Variants in TTC28 observed in about 807,000 individuals in gnomAD.
TTC28 encodes the protein tetratricopeptide repeat protein 28.
Under a neutral mutation model 198.0 loss-of-function variants are expected in TTC28, and 61 were observed. That is an observed-to-expected ratio of 0.31 (90% CI 0.25 to 0.38). The LOEUF (loss-of-function observed/expected upper bound fraction) is 0.38. TTC28 is among the 10% of genes least tolerant of loss of function. TTC28 has a pLI of 1.00. For missense variants in TTC28, 2,678 were observed against 3,164.0 expected (o/e 0.85, Z 3.69); for synonymous variants, 1,171 against 1,297.8 (o/e 0.90, Z 2.10).
chr22:28,582,797 A>G (rs2050251316), intron 2 of TTC28, among the ~76,000 whole-genome samples: 1 of 152,230 alleles, frequency 6.6e-6, no homozygotes, highest in Non-Finnish European at 1.5e-5. Flanking sequence ...TCTTTGTTTT[A>G]AAGTTTTTAT....
chr22:28,673,440 C>G (rs1220394643), intron 1 of TTC28, among the ~76,000 whole-genome samples: 1 of 152,138 alleles, frequency 6.6e-6, no homozygotes, highest in Non-Finnish European at 1.5e-5. Context: ...CCCCCCCTTA[C>G]CTGGTACGTA....
At chr22:27,996,016 G>C in intron 17 of TTC28, 119 bp downstream of exon 17, 1 of 1,409,160 alleles carries the variant, frequency 7.1e-7, no homozygotes, top group Non-Finnish European at 9.4e-7. Flanking sequence ...TCCTGGACAC[G>C]GCCCCAATCA....
At chr22:28,539,531 G>A (rs900915773) in intron 2 of TTC28, among the ~76,000 whole-genome samples, 2 of 152,002 alleles carry the variant, frequency 1.3e-5, no homozygotes, top group African/African-American at 2.4e-5. Flanking sequence ...AGCTACTTGG[G>A]AGGCTGAGGC....
At chr22:28,318,662 CAT>C (rs1184426413) in intron 2 of TTC28, among the ~76,000 whole-genome samples, 4 of 152,032 alleles carry the variant, frequency 2.6e-5, no homozygotes, top group Admixed American at 2.0e-4. Flanking sequence ...AGATATAAAA[CAT>C]GTTGTATTTT....
At chr22:28,631,430 T>C (rs2051171789) in intron 1 of TTC28, among the ~76,000 whole-genome samples, 1 of 152,218 alleles carries the variant, frequency 6.6e-6, no homozygotes, top group African/African-American at 2.4e-5. Context: ...GATGTTGATT[T>C]TTCAAAATTA....
rs577403478 is a variant in TTC28, at chr22:28,553,002, T to G, written c.381+76550A>C. ...CGGGGTTTCGCTGTGTTGGCCGGGCTGGTCTCCAGCTCCTAACCGCGAGTG... is the reference window on the plus strand; with the variant it reads ...CGGGGTTTCGCTGTGTTGGCCGGGCGGGTCTCCAGCTCCTAACCGCGAGTG... On this transcript the variant is annotated intron_variant, in intron 2 of 22. Transcript: ENST00000397906. 1.2e-4 allele frequency among the ~76,000 whole-genome samples: 18 copies of G among 152,270 alleles called. No individual in the cohort carries two copies. The South Asian group carries it at 3.5e-3, about 30-fold the overall frequency.
chr22:28,143,695 G>A (rs995018515), intron 6 of TTC28, among the ~76,000 whole-genome samples: 5 of 152,166 alleles, frequency 3.3e-5, no homozygotes, highest in African/African-American at 9.7e-5. Context: ...AGCACTGCTT[G>A]TGCAATTATT....
intron 2 of TTC28, among the ~76,000 whole-genome samples, chr22:28,488,461 T>C (rs1189682165): frequency 6.6e-6 from 1 of 152,214 alleles, no homozygotes; most frequent in Non-Finnish European, 1.5e-5. Flanking sequence ...CAGTAAGACA[T>C]GCTGAAACTC....
chr22:28,285,191 T>G (rs908405171), intron 5 of TTC28, among the ~76,000 whole-genome samples: 1 of 152,174 alleles, frequency 6.6e-6, no homozygotes, highest in East Asian at 1.9e-4. Context: ...AAAATATATG[T>G]ACAATGAAAT....
At chr22:28,621,148 T>G (rs529731370) in intron 2 of TTC28, among the ~76,000 whole-genome samples, 1 of 152,304 alleles carries the variant, frequency 6.6e-6, no homozygotes, top group East Asian at 1.9e-4. Flanking sequence ...AGAAATAAAG[T>G]TTGTACCTTT....
intron 5 of TTC28, among the ~76,000 whole-genome samples, chr22:28,233,759 T>C (rs1163304942): frequency 1.3e-5 from 2 of 152,194 alleles, no homozygotes; most frequent in Admixed American, 1.3e-4. Flanking sequence ...TTTTTTGTTT[T>C]TTGGAGATGG....
At chr22:28,047,060 C>A (rs1011526824) in intron 12 of TTC28, among the ~76,000 whole-genome samples, 1 of 152,152 alleles carries the variant, frequency 6.6e-6, no homozygotes, top group Non-Finnish European at 1.5e-5. Context: ...CTGGTGATTT[C>A]TTTGGAGAGA....
chr22:28,289,363 T>TA (rs1374270360), intron 5 of TTC28, among the ~76,000 whole-genome samples: 3 of 152,208 alleles, frequency 2.0e-5, no homozygotes, highest in African/African-American at 7.2e-5. Flanking sequence ...ACACTATCTC[T>TA]AATCCTATGT....
chr22:28,069,320 C>T (rs1174271246), intron 12 of TTC28, among the ~76,000 whole-genome samples: 2 of 152,148 alleles, frequency 1.3e-5, no homozygotes, highest in African/African-American at 4.8e-5. Context: ...TGACTTTGTG[C>T]TATGTAAAAC....
chr22:28,499,318 A>G (rs780810239), intron 2 of TTC28, among the ~76,000 whole-genome samples: 1 of 152,210 alleles, frequency 6.6e-6, no homozygotes, highest in Non-Finnish European at 1.5e-5. Flanking sequence ...AATATCTAAA[A>G]GAAAAAGTAA....
At chr22:28,636,503 T>G (rs988823857) in intron 1 of TTC28, among the ~76,000 whole-genome samples, 3 of 152,170 alleles carry the variant, frequency 2.0e-5, no homozygotes, top group Non-Finnish European at 4.4e-5. Context: ...TTCTATATCT[T>G]GGTCATTGTG....
chr22:28,582,163 C>A (rs1221469196), intron 2 of TTC28, among the ~76,000 whole-genome samples: 1 of 151,836 alleles, frequency 6.6e-6, no homozygotes, highest in Non-Finnish European at 1.5e-5. Context: ...ATTAACTGAC[C>A]AAGCTCTGTC....
intron 2 of TTC28, among the ~76,000 whole-genome samples, chr22:28,504,352 T>C (rs193033101): frequency 1.3e-5 from 2 of 152,340 alleles, no homozygotes; most frequent in African/African-American, 4.8e-5. Context: ...CTAGCCTATA[T>C]AGCTATGTGT....
chr22:27,990,121 C>A, intron 20 of TTC28, 114 bp from the exon 21 acceptor site: 1 of 1,342,308 alleles, frequency 7.4e-7, no homozygotes, highest in Non-Finnish European at 1.0e-6. Context: ...ATGACCCTCT[C>A]ATGAGTGTAG....
Sources: gnomAD v4.1 joint callset for allele counts (sites outside exome capture counted in the v4.1 genomes callset) on GRCh38, gnomAD v4.1.1 for gene constraint, MANE v1.5 for transcripts, NCBI Gene and HGNC (gene_info 2026-07-23, HGNC 2026-07-21) for gene names.